The following KIF13A variants were observed in gnomAD, a reference collection of about 807,000 sequenced individuals.
KIF13A encodes kinesin family member 13A.
In KIF13A, 79 loss-of-function variants were observed where a neutral mutation model predicts 212.2. That is an observed-to-expected ratio of 0.37 (90% confidence interval 0.31 to 0.45). The LOEUF is 0.45. KIF13A is among the 20% of genes least tolerant of loss of function. The probability of loss-of-function intolerance (pLI) is 1.00; values close to 1 mark genes in which losing one functional copy is unlikely to be tolerated. For missense variants in KIF13A, 1,901 were observed against 2,209.0 expected (o/e 0.86, Z 2.79); for synonymous variants, 789 against 808.6 (o/e 0.98, Z 0.41).
intron 20 of KIF13A, among the ~76,000 whole-genome samples, chr6:17,801,803 C>G (rs1762494571): frequency 6.6e-6 from 1 of 152,100 alleles, no homozygotes; most frequent in Non-Finnish European, 1.5e-5. Context: ...GCCATTAGAT[C>G]TAATCCAGGA....
chr6:17,977,946 T>C (rs1487577495), intron 2 of KIF13A, among the ~76,000 whole-genome samples: 2 of 152,232 alleles, frequency 1.3e-5, no homozygotes, highest in Non-Finnish European at 2.9e-5. Context: ...TTTTAGAGTG[T>C]CTAACAATGC....
chr6:17,837,659 G>A lies in KIF13A; in HGVS notation c.831-76C>T. 1 of 1,023,722 alleles carries A rather than the reference G, an allele frequency of 9.8e-7. No individual in the cohort carries two copies. Among genetic ancestry groups the A allele is most frequent in the Non-Finnish European group, 1.5e-6 (1 of 675,896 alleles). The allele number at this position is 1,023,722 out of a possible 1,614,324, so 63.4% of individuals were successfully genotyped here. ...AGTATAAAATATGCAGAACAATAAAGCTCCACAGTTAATACACGTTGGTGG... is the reference window on the plus strand; with the variant it reads ...AGTATAAAATATGCAGAACAATAAAACTCCACAGTTAATACACGTTGGTGG... On this transcript the variant is annotated intron_variant, in intron 9 of 38. Coordinates refer to ENST00000259711, the MANE Select transcript of KIF13A (RefSeq NM_022113.6). The surrounding 1 kb of genome is among the most constrained non-coding windows in gnomAD (Gnocchi z 5.4).
intron 38 of KIF13A, 190 bp downstream of exon 38, chr6:17,770,924 A>G: frequency 1.9e-6 from 1 of 528,926 alleles, no homozygotes; most frequent in East Asian, 3.3e-5. Flanking sequence ...AAATAAATAA[A>G]TAAATAAGAT....
At position 17,898,300 on chromosome 6, in the gene KIF13A, C is replaced by A; in HGVS notation, c.147-120G>T. 1.1e-6 allele frequency: 1 copy of A among 885,440 alleles called. No individual in the cohort carries two copies. The allele number at this position is 885,440 out of a possible 1,614,324, so 54.8% of individuals were successfully genotyped here. A position where few individuals can be genotyped will look rare whatever the true frequency, so the allele number is the denominator to read the frequency against. On this transcript the variant is annotated intron_variant, in intron 2 of 38. Transcript: ENST00000259711. The surrounding 1 kb of genome is among the most constrained non-coding windows in gnomAD (Gnocchi z 5.2). ...TAAGGTAAATTCAGCACCTTGATAA[C>A]ATGATCTGAAAGATATTCTTCTTCA...
rs1774749249 is a variant in KIF13A, at chr6:17,918,541, G to C, written c.147-20361C>G. On this transcript the variant is annotated intron_variant, in intron 2 of 38. Transcript: ENST00000259711. The surrounding 1 kb of genome is among the most constrained non-coding windows in gnomAD (Gnocchi z 4.8). ...TAGCTCTTAAAGTGGCAGGTATCAAGTGGGGAAGCTAATTCCCACTTCTGG... is the reference window on the plus strand; with the variant it reads ...TAGCTCTTAAAGTGGCAGGTATCAACTGGGGAAGCTAATTCCCACTTCTGG... Among the ~76,000 whole-genome samples the C allele has an allele frequency of 2.0e-5, 3 of 152,186 alleles. No individual in the cohort carries two copies.
chr6:17,765,450 G>T (rs1394950804), intron 38 of KIF13A, among the ~76,000 whole-genome samples: 3 of 152,150 alleles, frequency 2.0e-5, no homozygotes, highest in African/African-American at 7.2e-5. Context: ...TGGGGGAGAA[G>T]AGAGTAAAAC....
At chr6:17,833,005 C>T (rs1765582648) in intron 12 of KIF13A, among the ~76,000 whole-genome samples, 3 of 105,280 alleles carry the variant, frequency 2.8e-5, no homozygotes, top group Middle Eastern at 6.0e-3. Context: ...CAGAGAGAGA[C>T]TCTGTCTGCA....
chr6:17,903,426 A>T (rs1257964337), intron 2 of KIF13A, among the ~76,000 whole-genome samples: 2 of 152,242 alleles, frequency 1.3e-5, no homozygotes, highest in Non-Finnish European at 2.9e-5. Context: ...ATTGCAACAA[A>T]TCTAGCAGCT....
Position 17,764,239 on chromosome 6 carries a change from A to G in KIF13A, c.5289T>C (p.Ser1763=), listed in dbSNP as rs2150281239. ...SSAGELSSRR[S]LPNKTGGKTV... ...TCTTGCCGCCTGTTTTATTTGGTAG[A>G]CTCCTCCTACTGGAAAGCTCTCCAG... The change falls in exon 39 of 39, where the codon AGT becomes AGC. Residue 1763 remains serine, a synonymous_variant. Transcript: ENST00000259711. The surrounding 1 kb of genome is among the most constrained non-coding windows in gnomAD (Gnocchi z 5.1). The G allele has an allele frequency of 6.2e-7, 1 of 1,613,664 alleles. No homozygotes were observed. Among genetic ancestry groups the G allele is most frequent in the Non-Finnish European group, 8.5e-7 (1 of 1,179,834 alleles).
chr6:17,927,718 T>C (rs934062801), intron 2 of KIF13A, among the ~76,000 whole-genome samples: 2 of 152,230 alleles, frequency 1.3e-5, no homozygotes, highest in Non-Finnish European at 2.9e-5. Context: ...ACAATTAATT[T>C]CCCACCTCCA....
At chr6:17,791,368 T>A (rs1761535584) in intron 25 of KIF13A, among the ~76,000 whole-genome samples, 1 of 151,512 alleles carries the variant, frequency 6.6e-6, no homozygotes, top group South Asian at 2.1e-4. Context: ...TGAGAATAAT[T>A]CTTTTTTTTT....
chr6:17,890,630 C>CTT (rs567124907), intron 3 of KIF13A, among the ~76,000 whole-genome samples: 1 of 144,490 alleles, frequency 6.9e-6, no homozygotes, highest in Non-Finnish European at 1.5e-5. Context: ...TCTCCTTCTT[C>CTT]TTTTTTTTTT....
intron 3 of KIF13A, among the ~76,000 whole-genome samples, chr6:17,890,790 C>CTAAAAA (rs1554110568): frequency 2.9e-5 from 4 of 139,138 alleles, no homozygotes; most frequent in African/African-American, 1.1e-4. Flanking sequence ...CTATGCCCAG[C>CTAAAAA]TAATAATAAT....
chr6:17,867,116 G>T (rs1264583632), intron 4 of KIF13A, among the ~76,000 whole-genome samples: 6 of 151,958 alleles, frequency 3.9e-5, no homozygotes, highest in Non-Finnish European at 8.8e-5. Context: ...AGGGTCAGTT[G>T]TATTTGCTCC....
chr6:17,772,113 C>A lies in KIF13A; in HGVS notation c.4325-54G>T. 1 of 1,523,016 alleles carries A rather than the reference C, an allele frequency of 6.6e-7. No homozygotes were observed. The highest frequency in any genetic ancestry group is 9.1e-7 in the Non-Finnish European group (1 of 1,103,900). 94.3% of individuals were successfully genotyped at this position (1,523,016 alleles called of 1,614,324 possible). On this transcript the variant is annotated intron_variant, in intron 36 of 38. Transcript: ENST00000259711. This position sits in a 1 kb window ranked among gnomAD's most constrained non-coding sequence, Gnocchi z 4.8. ...CAGATGCTGAACACTTTAAGCAAAA[C>A]ATAGGAACTGAGACAATGACCCAGC...
rs1334619805 is a variant in KIF13A at position 17,886,906 on chromosome 6, C to T, written c.159+11262G>A. Among the ~76,000 whole-genome samples the T allele has an allele frequency of 6.6e-6, 1 of 151,700 alleles. No homozygotes were observed. The highest frequency in any genetic ancestry group is 2.1e-4 in the South Asian group (1 of 4,804). On this transcript the variant is annotated intron_variant, in intron 3 of 38. Transcript: ENST00000259711. The surrounding 1 kb of genome is among the most constrained non-coding windows in gnomAD (Gnocchi z 5.6). ...TTAAAAAGAGGAAAAAAAAAAAAGT[C>T]TTGGGAAATTTTTAGAAGGATGATT...
chr6:17,975,315 G>T (rs1780254505), intron 2 of KIF13A, among the ~76,000 whole-genome samples: 1 of 151,558 alleles, frequency 6.6e-6, no homozygotes, highest in Non-Finnish European at 1.5e-5. Flanking sequence ...ACTGTGTTCC[G>T]AATTAGTAGG....
chr6:17,923,160 G>C (rs1775225901), intron 2 of KIF13A, among the ~76,000 whole-genome samples: 3 of 151,876 alleles, frequency 2.0e-5, no homozygotes, highest in Admixed American at 2.0e-4. Flanking sequence ...TGTATTCCCA[G>C]TTACTCAGGA....
In KIF13A at chr6:17,805,508, G is replaced by A. The variant is rs59702342; in HGVS notation, c.2271C>T (p.Asp757=). The A allele has an allele frequency of 1.5e-3, 2,413 of 1,613,460 alleles. 36 individuals are homozygous for A. The African/African-American group carries it at 0.029, about 20-fold the overall frequency. Residue 757 remains aspartate (D), a synonymous_variant, in exon 19 of 39, where the codon GAC becomes GAT. Coordinates refer to ENST00000259711, the MANE Select transcript of KIF13A (RefSeq NM_022113.6). ...KLENKLIDMR[D]LYQEWKEKVP... is the part of the protein sequence containing the mutation. ...CTTTTTCCTTCCATTCTTGGTAAAG[G>A]TCTCTCATGTCAATTAATTTATTCT... is the stretch of plus-strand genomic sequence containing the variant.
Sources: gnomAD v4.1 joint callset for allele counts (sites outside exome capture counted in the v4.1 genomes callset) on GRCh38, gnomAD v4.1.1 for gene constraint, Gnocchi (gnomAD v3.1) non-coding constraint, MANE v1.5 for transcripts, NCBI Gene and HGNC (gene_info 2026-07-23, HGNC 2026-07-21) for gene names.